FTO: variants seen among roughly 807,000 people sequenced by gnomAD.
FTO encodes FTO alpha-ketoglutarate dependent dioxygenase.
FTO carries 47 observed loss-of-function variants against 63.9 expected under a neutral mutation model. The observed-to-expected ratio is 0.74, with a 90% confidence interval of 0.58 to 0.94. The LOEUF is 0.94. Ranked by LOEUF, FTO falls within the 40% of genes least tolerant of loss-of-function variation. The pLI, the probability that FTO is intolerant of heterozygous loss-of-function variation, is 0.00. For synonymous variants in FTO, 207 were observed against 224.4 expected (o/e 0.92, Z 0.69); for missense variants, 562 against 618.1 (o/e 0.91, Z 0.96).
At chr16:54,071,210 T>G (rs1175958514) in intron 8 of FTO, 1 of 151,896 alleles carries the variant, frequency 6.6e-6, no homozygotes, top group Non-Finnish European at 1.5e-5. Flanking sequence ...AACAGAAGGG[T>G]GAGGATGAGT....
intron 8 of FTO, among the ~76,000 whole-genome samples, chr16:53,942,238 T>A (rs901646235): frequency 5.9e-5 from 9 of 152,186 alleles, no homozygotes; most frequent in Non-Finnish European, 7.3e-5. Flanking sequence ...AGGAGAAATC[T>A]CTACTATGCA....
chr16:53,815,174 G>A (rs1293679459), intron 2 of FTO, among the ~76,000 whole-genome samples: 2 of 152,112 alleles, frequency 1.3e-5, no homozygotes, highest in Middle Eastern at 3.2e-3. Context: ...GTTACTCTGA[G>A]ATGAGGAGGC....
At chr16:53,845,134 G>A (rs148367116) in intron 4 of FTO, among the ~76,000 whole-genome samples, 17 of 152,144 alleles carry the variant, frequency 1.1e-4, no homozygotes, top group South Asian at 8.3e-4. Flanking sequence ...TTTCTAATGC[G>A]CAATGTGTAA....
chr16:53,811,439 A>G (rs147665998), intron 2 of FTO, among the ~76,000 whole-genome samples: 1,691 of 152,260 alleles, frequency 0.011, 14 homozygotes, highest in South Asian at 0.019. Context: ...ATCCAGGTCA[A>G]TATGATTTCT....
chr16:54,097,193 T>C (rs932093764), intron 8 of FTO, among the ~76,000 whole-genome samples: 6 of 152,202 alleles, frequency 3.9e-5, no homozygotes, highest in African/African-American at 1.4e-4. Flanking sequence ...TAAGTAATGA[T>C]GGCCAGAAAG....
intron 8 of FTO, among the ~76,000 whole-genome samples, chr16:54,093,823 G>C (rs1168562375): frequency 6.6e-6 from 1 of 152,180 alleles, no homozygotes; most frequent in Non-Finnish European, 1.5e-5. Context: ...TACCAGGCAC[G>C]TGGCAAGGAC....
chr16:53,806,488 C>A (rs2078371301), intron 1 of FTO, among the ~76,000 whole-genome samples: 1 of 152,116 alleles, frequency 6.6e-6, no homozygotes, highest in Non-Finnish European at 1.5e-5. Flanking sequence ...AGTTTTGTGC[C>A]TTGCTTTTTA....
intron 1 of FTO, among the ~76,000 whole-genome samples, chr16:53,794,890 C>T (rs1273539915): frequency 6.6e-6 from 1 of 151,980 alleles, no homozygotes; most frequent in East Asian, 1.9e-4. Flanking sequence ...CTTCAAAATG[C>T]AATACCAAAA....
chr16:53,805,266 A>G (rs977757152), intron 1 of FTO, among the ~76,000 whole-genome samples: 1 of 152,150 alleles, frequency 6.6e-6, no homozygotes. Flanking sequence ...CCCTTACATG[A>G]TGAGTCATAA....
chr16:53,791,145 A>C (rs983163619), intron 1 of FTO, among the ~76,000 whole-genome samples: 33 of 152,208 alleles, frequency 2.2e-4, no homozygotes, highest in African/African-American at 7.7e-4. Context: ...TAGTTTCAGC[A>C]GAATGGTAGT....
At chr16:54,074,936 G>A (rs1374239104) in intron 8 of FTO, among the ~76,000 whole-genome samples, 1 of 148,910 alleles carries the variant, frequency 6.7e-6, no homozygotes, top group Non-Finnish European at 1.5e-5. Context: ...GTGTGTGTGT[G>A]TGTGTGTGTG....
intron 8 of FTO, among the ~76,000 whole-genome samples, chr16:54,008,241 T>C (rs1335134075): frequency 6.6e-6 from 1 of 152,180 alleles, no homozygotes; most frequent in African/African-American, 2.4e-5. Context: ...AGTGATATTG[T>C]TGAAAACTAA....
Position 54,114,371 on chromosome 16 carries a change from A to G in FTO, c.*2456A>G, listed in dbSNP as rs1231850537. 5 of 152,184 alleles carry G rather than the reference A, an allele frequency of 3.3e-5. No homozygotes were observed. The highest frequency in any genetic ancestry group is 2.1e-4 in the South Asian group (1 of 4,828). 9.4% of individuals were successfully genotyped at this position (152,184 alleles called of 1,614,324 possible). The stretch of plus-strand genomic sequence containing the variant: ...CTTACCCCAATATATGTGTGTGACT[A>G]TTGAACTCTATTCGTAGACTGCTTG... On this transcript the variant is annotated 3_prime_UTR_variant, in exon 9 of 9. Transcript: ENST00000471389.
chr16:53,975,733 C>T (rs1309342844), intron 8 of FTO, among the ~76,000 whole-genome samples: 1 of 151,814 alleles, frequency 6.6e-6, no homozygotes, highest in Non-Finnish European at 1.5e-5. Flanking sequence ...TTAGATTGGA[C>T]CATATAAAAT....
At chr16:53,872,386 C>A (rs1027503054) in intron 4 of FTO, among the ~76,000 whole-genome samples, 1 of 152,132 alleles carries the variant, frequency 6.6e-6, no homozygotes, top group Admixed American at 6.5e-5. Context: ...CTTTCGAGGC[C>A]CTGTGGCCTT....
chr16:53,871,631 C>G (rs568363585), intron 4 of FTO, among the ~76,000 whole-genome samples: 1 of 152,160 alleles, frequency 6.6e-6, no homozygotes, highest in South Asian at 2.1e-4. Context: ...GGGTATTGCA[C>G]ATCGTATTTG....
chr16:53,765,055 T>G (rs938978156), intron 1 of FTO, among the ~76,000 whole-genome samples: 1 of 152,054 alleles, frequency 6.6e-6, no homozygotes, highest in Non-Finnish European at 1.5e-5. Context: ...ATCGTAATAC[T>G]TCGATGGAGA....
chr16:53,847,848 A>G (rs551963768), intron 4 of FTO, among the ~76,000 whole-genome samples: 1 of 152,130 alleles, frequency 6.6e-6, no homozygotes, highest in Non-Finnish European at 1.5e-5. Context: ...TATAATGAGT[A>G]TACACTGTAA....
intron 5 of FTO, among the ~76,000 whole-genome samples, chr16:53,879,398 G>A (rs1179290400): frequency 1.3e-5 from 2 of 152,046 alleles, no homozygotes; most frequent in East Asian, 1.9e-4. Context: ...AGTATAGGCC[G>A]GGCACAGTGA....
Sources: gnomAD v4.1 joint callset for allele counts (sites outside exome capture counted in the v4.1 genomes callset) on GRCh38, gnomAD v4.1.1 for gene constraint, MANE v1.5 for transcripts, NCBI Gene and HGNC (gene_info 2026-07-23, HGNC 2026-07-21) for gene names.